Variants in FCHSD2 observed in about 807,000 individuals in gnomAD.
The protein encoded by FCHSD2 is FCH and double SH3 domains 2.
Under a neutral mutation model 108.1 loss-of-function variants are expected in FCHSD2, and 38 were observed. The observed-to-expected ratio is 0.35, with a 90% CI of 0.27 to 0.46. The LOEUF (loss-of-function observed/expected upper bound fraction) is 0.46, where lower values mean the gene tolerates loss of function less well. Among genes scored for constraint, FCHSD2 ranks in the 20% least tolerant of loss-of-function variants. The pLI is 1.00. For missense variants in FCHSD2, 751 were observed against 897.8 expected, an observed-to-expected ratio of 0.84 and a Z score of 2.09; for synonymous variants, 279 against 314.7, an observed-to-expected ratio of 0.89 and a Z score of 1.20.
At chr11:72,841,617 C>A (rs757235088) in intron 17 of FCHSD2, 34 bp from the exon 18 acceptor site, 3 of 1,559,574 alleles carry the variant, frequency 1.9e-6, no homozygotes, top group Admixed American at 2.0e-5. Flanking sequence ...ACCCGGTGCT[C>A]CCCTCCAGGA....
At chr11:73,000,910 A>G in intron 5 of FCHSD2, 80 bp downstream of exon 5, 3 of 1,280,606 alleles carry the variant, frequency 2.3e-6, no homozygotes, top group Non-Finnish European at 3.2e-6. Context: ...GTTTTAAATA[A>G]AATTTAGCAT....
chr11:72,932,878 C>T (rs1166963236), intron 8 of FCHSD2, among the ~76,000 whole-genome samples: 3 of 152,054 alleles, frequency 2.0e-5, no homozygotes, highest in Non-Finnish European at 4.4e-5. Flanking sequence ...AATCAGAATT[C>T]GCATGATTAC....
chr11:73,137,302 A>G (rs922451395), intron 2 of FCHSD2, among the ~76,000 whole-genome samples: 2 of 152,202 alleles, frequency 1.3e-5, no homozygotes, highest in Admixed American at 6.5e-5. Flanking sequence ...TTAAGTTAAT[A>G]TAGATAGAAG....
intron 10 of FCHSD2, among the ~76,000 whole-genome samples, chr11:72,891,243 T>C (rs1855308361): frequency 6.6e-6 from 1 of 152,236 alleles, no homozygotes; most frequent in Non-Finnish European, 1.5e-5. Context: ...AGTAATTCTT[T>C]TGCAAGGTCT....
intron 8 of FCHSD2, among the ~76,000 whole-genome samples, chr11:72,960,945 C>T (rs747581257): frequency 6.6e-6 from 1 of 151,828 alleles, no homozygotes; most frequent in African/African-American, 2.4e-5. Context: ...CTCTCACTTA[C>T]TATGTTTTCC....
chr11:73,027,699 T>G (rs1430801309), intron 3 of FCHSD2, among the ~76,000 whole-genome samples: 13 of 152,252 alleles, frequency 8.5e-5, no homozygotes, highest in Non-Finnish European at 2.9e-5. Context: ...AGATGTTCGC[T>G]GCACTCCCCG....
intron 8 of FCHSD2, among the ~76,000 whole-genome samples, chr11:72,979,935 G>A (rs1490785570): frequency 6.6e-6 from 1 of 152,176 alleles, no homozygotes; most frequent in East Asian, 1.9e-4. Flanking sequence ...AACTGCTAAT[G>A]TAAGAACAGA....
chr11:73,132,168 G>A (rs1861019012), intron 2 of FCHSD2, among the ~76,000 whole-genome samples: 1 of 152,212 alleles, frequency 6.6e-6, no homozygotes, highest in South Asian at 2.1e-4. Flanking sequence ...CTTGATTTCA[G>A]AAATGTAAGA....
chr11:72,936,642 G>C (rs1054383518), intron 8 of FCHSD2, among the ~76,000 whole-genome samples: 6 of 152,122 alleles, frequency 3.9e-5, no homozygotes, highest in African/African-American at 4.8e-5. Flanking sequence ...TTTTAAAAAA[G>C]AATCTCAATT....
chr11:73,009,906 G>C (rs1395287132), intron 4 of FCHSD2, among the ~76,000 whole-genome samples: 2 of 151,988 alleles, frequency 1.3e-5, no homozygotes, highest in South Asian at 2.1e-4. Flanking sequence ...CATCTGCCTG[G>C]GGGGGTCTCA....
intron 8 of FCHSD2, among the ~76,000 whole-genome samples, chr11:72,939,166 C>T (rs542991125): frequency 6.6e-6 from 1 of 152,210 alleles, no homozygotes; most frequent in East Asian, 1.9e-4. Flanking sequence ...AAAGTCAATT[C>T]CAGCAAAAAC....
intron 14 of FCHSD2, among the ~76,000 whole-genome samples, chr11:72,846,335 C>A (rs1861141557): frequency 6.6e-6 from 1 of 152,058 alleles, no homozygotes; most frequent in Non-Finnish European, 1.5e-5. Context: ...TGCACACCAC[C>A]ATGCCTGGCT....
intron 13 of FCHSD2, among the ~76,000 whole-genome samples, chr11:72,860,406 G>T (rs1185406407): frequency 6.6e-6 from 1 of 151,920 alleles, no homozygotes; most frequent in Non-Finnish European, 1.5e-5. Context: ...AGCTCAAAAA[G>T]TTTAAAAGGG....
chr11:73,003,785 A>G (rs991249759), intron 4 of FCHSD2, among the ~76,000 whole-genome samples: 1 of 151,446 alleles, frequency 6.6e-6, no homozygotes, highest in Non-Finnish European at 1.5e-5. Flanking sequence ...TTATTTCACC[A>G]GGTTTCATAT....
At chr11:73,025,563 T>C (rs2135444700) in intron 3 of FCHSD2, among the ~76,000 whole-genome samples, 1 of 152,212 alleles carries the variant, frequency 6.6e-6, no homozygotes, top group East Asian at 1.9e-4. Context: ...ACCTGGGTGA[T>C]GCAATAATCT....
At chr11:73,041,808 G>A (rs1188156474) in intron 3 of FCHSD2, among the ~76,000 whole-genome samples, 1 of 152,052 alleles carries the variant, frequency 6.6e-6, no homozygotes, top group African/African-American at 2.4e-5. Flanking sequence ...TGGTTTGTGA[G>A]GTTTTAGCCA....
chr11:73,083,451 A>C (rs1355195764), intron 3 of FCHSD2, among the ~76,000 whole-genome samples: 2 of 152,128 alleles, frequency 1.3e-5, no homozygotes, highest in African/African-American at 4.8e-5. Context: ...CAGGAGGCTG[A>C]CACAGGAGAA....
chr11:73,071,307 T>C (rs1672412731), intron 3 of FCHSD2, among the ~76,000 whole-genome samples: 1 of 152,144 alleles, frequency 6.6e-6, no homozygotes, highest in Admixed American at 6.5e-5. Flanking sequence ...TGCAGCTTCT[T>C]TGACCATTTT....
intron 6 of FCHSD2, among the ~76,000 whole-genome samples, chr11:72,987,778 T>C (rs1379339080): frequency 6.6e-6 from 1 of 152,198 alleles, no homozygotes; most frequent in African/African-American, 2.4e-5. Flanking sequence ...TTCTCTGTTC[T>C]AGGATCTCTG....
Sources: gnomAD v4.1 joint callset for allele counts (sites outside exome capture counted in the v4.1 genomes callset) on GRCh38, gnomAD v4.1.1 for gene constraint, MANE v1.5 for transcripts, NCBI Gene and HGNC (gene_info 2026-07-23, HGNC 2026-07-21) for gene names.